GUCY1A2: variants seen among roughly 807,000 people sequenced by gnomAD.
The protein encoded by GUCY1A2 is guanylate cyclase 1 soluble subunit alpha 2, also known as guanylate cyclase soluble subunit alpha-2.
A neutral mutation model predicts 63.5 loss-of-function variants in GUCY1A2; 27 were observed. The ratio of observed to expected loss-of-function variants is 0.43; its 90% CI spans 0.31 to 0.59. The LOEUF is 0.59. Among genes scored for constraint, GUCY1A2 ranks in the 20% least tolerant of loss-of-function variants. The pLI, the probability that GUCY1A2 is intolerant of heterozygous loss-of-function variation, is 0.11. For missense variants in GUCY1A2, 768 were observed against 913.3 expected, an observed-to-expected ratio of 0.84 and a Z score of 2.05; for synonymous variants, 364 against 343.5, an observed-to-expected ratio of 1.06 and a Z score of -0.66.
At chr11:106,864,669 T>A (rs1490344878) in intron 4 of GUCY1A2, among the ~76,000 whole-genome samples, 1 of 152,214 alleles carries the variant, frequency 6.6e-6, no homozygotes, top group Non-Finnish European at 1.5e-5. Context: ...TCTATTGAGA[T>A]AATCATGTGG....
At chr11:106,884,049 G>T (rs1380327549) in intron 4 of GUCY1A2, among the ~76,000 whole-genome samples, 1 of 152,090 alleles carries the variant, frequency 6.6e-6, no homozygotes. Context: ...TGGGGAAGGG[G>T]GAGGGATACC....
At chr11:106,839,967 C>T (rs1005074151) in intron 4 of GUCY1A2, among the ~76,000 whole-genome samples, 7 of 151,920 alleles carry the variant, frequency 4.6e-5, no homozygotes, top group African/African-American at 1.4e-4. Context: ...ATGTAACAAA[C>T]CTGCACGTTG....
chr11:106,687,445 T>C lies in GUCY1A2; in HGVS notation c.*104A>G, dbSNP rs534785752. 1.2e-6 allele frequency: 1 copy of C among 864,370 alleles called. No individual in the cohort carries two copies. The highest frequency in any genetic ancestry group is 2.0e-5 in the Admixed American group (1 of 49,082). The allele number at this position is 864,370 out of a possible 1,614,324, so 53.5% of individuals were successfully genotyped here. On this transcript the variant is annotated 3_prime_UTR_variant, in exon 8 of 8. Coordinates refer to ENST00000526355, the MANE Select transcript of GUCY1A2 (RefSeq NM_000855.3). ...ATAATACAGAAATTTTGCTGCTTGT[T>C]CTCAACAAAGCAATGAAAGAGACAC...
intron 6 of GUCY1A2, among the ~76,000 whole-genome samples, chr11:106,773,186 C>CTT (rs11423947): frequency 0.44 from 66,383 of 149,636 alleles, 15,097 homozygotes; most frequent in Non-Finnish European, 0.49. Flanking sequence ...TTAATCATTC[C>CTT]TTTTATTTTT....
At chr11:106,996,509 A>T (rs1489486072) in intron 1 of GUCY1A2, among the ~76,000 whole-genome samples, 1 of 152,366 alleles carries the variant, frequency 6.6e-6, no homozygotes, top group East Asian at 1.9e-4. Flanking sequence ...GGATTAAAGC[A>T]AACTTCTAAT....
Position 106,939,578 on chromosome 11 carries a change from C to G in GUCY1A2, c.1088G>C (p.Cys363Ser). The change falls in exon 4 of 8, where the codon TGC becomes TCC. Residue 363 changes from cysteine (C) to serine (S), a missense_variant. Cys to Ser is a moderately radical substitution (Grantham distance 112, BLOSUM62 -1). Transcript: ENST00000526355. ...DTHKVLKFED[C>S]FEIVSPKVNA... ...AACCTTTGGAGATACAATCTCGAAG[C>G]AGTCCTCAAACTTGAGCACTTTGTG... 1.2e-6 allele frequency: 2 copies of G among 1,613,556 alleles called. No homozygotes were observed. The highest frequency in any genetic ancestry group is 1.7e-6 in the Non-Finnish European group (2 of 1,179,486).
intron 1 of GUCY1A2, among the ~76,000 whole-genome samples, chr11:106,989,776 T>C (rs561175279): frequency 3.9e-5 from 6 of 152,114 alleles, no homozygotes; most frequent in African/African-American, 1.4e-4. Flanking sequence ...AACATTAAGA[T>C]CAGTTGAGAG....
intron 3 of GUCY1A2, among the ~76,000 whole-genome samples, chr11:106,976,808 A>C (rs1053388800): frequency 6.6e-6 from 1 of 152,030 alleles, no homozygotes; most frequent in African/African-American, 2.4e-5. Context: ...TAAACACTGC[A>C]CTCACCCTAA....
intron 6 of GUCY1A2, among the ~76,000 whole-genome samples, chr11:106,736,772 T>A (rs1863597051): frequency 6.6e-6 from 1 of 152,192 alleles, no homozygotes; most frequent in South Asian, 2.1e-4. Context: ...ATATTAAATA[T>A]CTTTCCATTT....
chr11:106,748,924 A>C (rs1220697022), intron 6 of GUCY1A2, among the ~76,000 whole-genome samples: 1 of 152,028 alleles, frequency 6.6e-6, no homozygotes, highest in Non-Finnish European at 1.5e-5. Context: ...TTATTTCATA[A>C]ATTTTTGTCT....
chr11:106,788,702 G>C (rs59958515), intron 5 of GUCY1A2, among the ~76,000 whole-genome samples: 3,787 of 152,236 alleles, frequency 0.025, 164 homozygotes, highest in East Asian at 0.15. Flanking sequence ...TGTCAAAATT[G>C]AGTTAACTAT....
At chr11:106,994,011 C>T (rs994889646) in intron 1 of GUCY1A2, among the ~76,000 whole-genome samples, 1 of 152,090 alleles carries the variant, frequency 6.6e-6, no homozygotes, top group Non-Finnish European at 1.5e-5. Context: ...TTTTTCTATC[C>T]ATACTGGTTT....
chr11:106,755,002 A>T (rs1419409081), intron 6 of GUCY1A2, among the ~76,000 whole-genome samples: 2 of 151,960 alleles, frequency 1.3e-5, no homozygotes, highest in African/African-American at 4.8e-5. Context: ...TTTGGTTGGT[A>T]GGCTATTATT....
chr11:106,915,866 A>G (rs2119883462), intron 4 of GUCY1A2, among the ~76,000 whole-genome samples: 1 of 145,320 alleles, frequency 6.9e-6, no homozygotes, highest in East Asian at 2.1e-4. Flanking sequence ...TTTGGATTTA[A>G]GAACAACTGA....
chr11:106,760,473 A>AT (rs1276540613), intron 6 of GUCY1A2, among the ~76,000 whole-genome samples: 1 of 152,176 alleles, frequency 6.6e-6, no homozygotes, highest in Admixed American at 6.5e-5. Flanking sequence ...GTGAGCATAT[A>AT]TTTTTTATAA....
intron 7 of GUCY1A2, among the ~76,000 whole-genome samples, chr11:106,703,370 C>G (rs1293213878): frequency 6.6e-6 from 1 of 152,084 alleles, no homozygotes; most frequent in Non-Finnish European, 1.5e-5. Context: ...GATTGCTAAT[C>G]AGATGACATT....
chr11:106,707,143 T>C (rs946074608), intron 7 of GUCY1A2, among the ~76,000 whole-genome samples: 3 of 152,144 alleles, frequency 2.0e-5, no homozygotes, highest in Admixed American at 1.3e-4. Context: ...TTAATGAGCT[T>C]AGCAAGAGCT....
rs533786189 is a variant in GUCY1A2 at position 106,780,046 on chromosome 11, C to A, written c.1693-3464G>T. Among the ~76,000 whole-genome samples, 29 of 152,142 alleles carry A rather than the reference C, an allele frequency of 1.9e-4. No individual in the cohort carries two copies. The South Asian group carries it at 3.9e-3, about 21-fold the overall frequency. On this transcript the variant is annotated intron_variant, in intron 5 of 7. Coordinates refer to ENST00000526355, the MANE Select transcript of GUCY1A2 (RefSeq NM_000855.3). ...ATAAAAATTATCCAGGTAAGGTGGACCTTACCTATAGTCCCAGCTACTTGG... is the reference window on the plus strand; with the variant it reads ...ATAAAAATTATCCAGGTAAGGTGGAACTTACCTATAGTCCCAGCTACTTGG...
In GUCY1A2 at chr11:106,678,757, G is replaced by C. The variant is rs1282179625; in HGVS notation, c.*8792C>G. The C allele has an allele frequency of 5.0e-6, 1 of 200,106 alleles. No homozygotes were observed. The highest frequency in any genetic ancestry group is 1.0e-5 in the Non-Finnish European group (1 of 97,162). 12.4% of individuals were successfully genotyped at this position (200,106 alleles called of 1,614,324 possible). ...CTAATGTGAACAAGCTGAAAATACA[G>C]TATTATTTGACTATTATCCTTAATG... On this transcript the variant is annotated 3_prime_UTR_variant, in exon 8 of 8. Coordinates refer to ENST00000526355, the MANE Select transcript of GUCY1A2 (RefSeq NM_000855.3).
Sources: gnomAD v4.1 joint callset for allele counts (sites outside exome capture counted in the v4.1 genomes callset) on GRCh38, gnomAD v4.1.1 for gene constraint, MANE v1.5 for transcripts, NCBI Gene and HGNC (gene_info 2026-07-23, HGNC 2026-07-21) for gene names.